Variants in PDE7B observed in about 807,000 individuals in gnomAD.
PDE7B encodes 3',5'-cyclic-AMP phosphodiesterase 7B.
Under a neutral mutation model 56.2 loss-of-function variants are expected in PDE7B, and 29 were observed. The observed-to-expected ratio is 0.52, with a 90% CI of 0.38 to 0.70. PDE7B has a LOEUF of 0.70. Among genes scored for constraint, PDE7B ranks in the 30% least tolerant of loss-of-function variants. The pLI is 0.00. For synonymous variants in PDE7B, 197 were observed against 196.9 expected, an observed-to-expected ratio of 1.00 and a Z score of 0.00; for missense variants, 490 against 565.0, an observed-to-expected ratio of 0.87 and a Z score of 1.35.
At chr6:136,146,442 C>T (rs2128446658) in intron 3 of PDE7B, among the ~76,000 whole-genome samples, 1 of 152,216 alleles carries the variant, frequency 6.6e-6, no homozygotes, top group African/African-American at 2.4e-5. Flanking sequence ...TCTCTACTGG[C>T]AAGATTAGAT....
At chr6:135,933,186 AT>A (rs1774325043) in intron 1 of PDE7B, among the ~76,000 whole-genome samples, 1 of 152,236 alleles carries the variant, frequency 6.6e-6, no homozygotes, top group Admixed American at 6.5e-5. Flanking sequence ...ATCACTAAAC[AT>A]AGTGCACTAC....
chr6:135,921,068 G>A (rs906671631), intron 1 of PDE7B, among the ~76,000 whole-genome samples: 6 of 152,152 alleles, frequency 3.9e-5, no homozygotes, highest in African/African-American at 7.2e-5. Context: ...GTCAGGCCCC[G>A]AGGAGGATCG....
At chr6:136,013,166 CTA>C (rs1775921634) in intron 2 of PDE7B, among the ~76,000 whole-genome samples, 2 of 152,064 alleles carry the variant, frequency 1.3e-5, no homozygotes, top group African/African-American at 4.8e-5. Flanking sequence ...TTTAAAATTC[CTA>C]TGTGTATGTA....
At chr6:136,033,446 G>C (rs769024108) in intron 2 of PDE7B, among the ~76,000 whole-genome samples, 1 of 152,164 alleles carries the variant, frequency 6.6e-6, no homozygotes, top group South Asian at 2.1e-4. Flanking sequence ...ACAAGAGGCC[G>C]GGCAGGTCCC....
At chr6:135,859,673 T>TG (rs1466020558) in intron 1 of PDE7B, among the ~76,000 whole-genome samples, 2 of 151,990 alleles carry the variant, frequency 1.3e-5, no homozygotes, top group Non-Finnish European at 2.9e-5. Flanking sequence ...TGCCCATGTG[T>TG]GGGTGCATGA....
chr6:135,981,195 A>C (rs1775288020), intron 2 of PDE7B, among the ~76,000 whole-genome samples: 1 of 150,874 alleles, frequency 6.6e-6, no homozygotes, highest in African/African-American at 2.4e-5. Context: ...CAAAAAACCA[A>C]ACACCGAATA....
chr6:136,137,684 T>C (rs1778236189), intron 3 of PDE7B, among the ~76,000 whole-genome samples: 1 of 152,118 alleles, frequency 6.6e-6, no homozygotes, highest in African/African-American at 2.4e-5. Context: ...AGGTTTCTCC[T>C]GGTACCAAAA....
chr6:135,897,538 A>G (rs1387621639), intron 1 of PDE7B, among the ~76,000 whole-genome samples: 2 of 152,214 alleles, frequency 1.3e-5, no homozygotes, highest in African/African-American at 2.4e-5. Flanking sequence ...ACAGAGAAAA[A>G]TGAGAATTTA....
At chr6:136,183,072 CAAA>C (rs869296450) in intron 11 of PDE7B, among the ~76,000 whole-genome samples, 6 of 50,506 alleles carry the variant, frequency 1.2e-4, no homozygotes, top group Non-Finnish European at 8.8e-5. Context: ...ACTCCGTCTC[CAAA>C]AAAAAAAAAA....
chr6:135,926,776 C>T (rs965403167), intron 1 of PDE7B, among the ~76,000 whole-genome samples: 6 of 152,084 alleles, frequency 3.9e-5, no homozygotes, highest in Non-Finnish European at 7.4e-5. Context: ...ACCAATCTAA[C>T]GACTTCTACT....
At position 136,178,960 on chromosome 6, in the gene PDE7B, TTG is replaced by T. The variant is rs761798885; in HGVS notation, c.804-29_804-28del. ...ATCACCCTCATCAAAGGGATTTGCT[TTG>T]TGTGTGTTTTTCTCTTTCATTCTTG... is the stretch of plus-strand genomic sequence containing the variant. On this transcript the variant is annotated intron_variant, in intron 9 of 12. Coordinates refer to ENST00000308191, the MANE Select transcript of PDE7B (RefSeq NM_018945.4). 10 of 1,611,104 alleles carry T rather than the reference TTG, an allele frequency of 6.2e-6. No individual in the cohort carries two copies. The African/African-American group carries it at 9.4e-5, about 15-fold the overall frequency.
rs553071340 is a variant in PDE7B, at chr6:135,990,392, G to A, written c.82+42868G>A. ...ATTACAGGCGTGAGCTACTATGACC[G>A]GCCAGCAATCTGTTTTGAAAATCCT... is the stretch of plus-strand genomic sequence containing the variant. On this transcript the variant is annotated intron_variant, in intron 2 of 12. Coordinates refer to ENST00000308191, the MANE Select transcript of PDE7B (RefSeq NM_018945.4). Among the ~76,000 whole-genome samples, 6 of 152,218 alleles carry A rather than the reference G, an allele frequency of 3.9e-5. No individual in the cohort carries two copies. In the East Asian group the frequency reaches 7.7e-4, roughly 20 times the overall value.
chr6:136,172,837 C>T (rs1302547299), intron 8 of PDE7B, among the ~76,000 whole-genome samples: 1 of 152,144 alleles, frequency 6.6e-6, no homozygotes, highest in African/African-American at 2.4e-5. Context: ...GGAAAAATCA[C>T]AAGCATTCTT....
chr6:135,878,372 CACTTTA>C (rs1407122298), intron 1 of PDE7B, among the ~76,000 whole-genome samples: 1 of 151,904 alleles, frequency 6.6e-6, no homozygotes, highest in African/African-American at 2.4e-5. Flanking sequence ...TTTTAATGTA[CACTTTA>C]ACTTTATAAA....
chr6:136,182,783 C>G (rs1324348434), intron 11 of PDE7B, among the ~76,000 whole-genome samples: 2 of 152,150 alleles, frequency 1.3e-5, no homozygotes, highest in Non-Finnish European at 2.9e-5. Flanking sequence ...TATAAGATCT[C>G]TTTTCTTGGG....
chr6:136,021,538 G>C (rs1462767418), intron 2 of PDE7B, among the ~76,000 whole-genome samples: 1 of 151,992 alleles, frequency 6.6e-6, no homozygotes, highest in Admixed American at 6.6e-5. Context: ...CAGCTACTTG[G>C]GGGGCTGAGG....
At chr6:136,072,224 G>A (rs958948802) in intron 2 of PDE7B, among the ~76,000 whole-genome samples, 9 of 152,168 alleles carry the variant, frequency 5.9e-5, no homozygotes, top group African/African-American at 1.4e-4. Flanking sequence ...ATAAATAGGC[G>A]GGGAGGCGAG....
intron 2 of PDE7B, among the ~76,000 whole-genome samples, chr6:135,998,697 A>G (rs1775611202): frequency 6.6e-6 from 1 of 152,108 alleles, no homozygotes; most frequent in Admixed American, 6.5e-5. Context: ...CAGAGCTTGC[A>G]GTGAGCCGAG....
At chr6:135,857,646 T>C (rs954227486) in intron 1 of PDE7B, among the ~76,000 whole-genome samples, 2 of 152,200 alleles carry the variant, frequency 1.3e-5, no homozygotes, top group Admixed American at 1.3e-4. Context: ...ACATATAGAA[T>C]TGTTTATTTT....
Sources: allele counts gnomAD v4.1 joint callset (sites outside exome capture counted in the v4.1 genomes callset), GRCh38; gene constraint gnomAD v4.1.1; transcripts MANE v1.5; gene names NCBI Gene and HGNC (gene_info 2026-07-23, HGNC 2026-07-21).